The following DDX4 variants were observed in gnomAD, a reference collection of about 807,000 sequenced individuals.
DDX4 encodes DEAD-box helicase 4, also known as probable ATP-dependent RNA helicase DDX4.
In DDX4, 25 loss-of-function variants were observed where a neutral mutation model predicts 100.0. That is an observed-to-expected ratio of 0.25 (90% CI 0.18 to 0.35). The LOEUF (loss-of-function observed/expected upper bound fraction) is 0.35, where lower values mean the gene tolerates loss of function less well. Among genes scored for constraint, DDX4 ranks in the 10% least tolerant of loss-of-function variants. The pLI is 1.00. For synonymous variants in DDX4, 259 were observed against 275.7 expected, an observed-to-expected ratio of 0.94 and a Z score of 0.60; for missense variants, 635 against 882.4, an observed-to-expected ratio of 0.72 and a Z score of 3.55.
At chr5:55,802,691 CTG>C (rs1001796740) in intron 18 of DDX4, among the ~76,000 whole-genome samples, 91 of 152,282 alleles carry the variant, frequency 6.0e-4, no homozygotes, top group African/African-American at 2.1e-3. Flanking sequence ...GACATAGACT[CTG>C]ATCTATAGCT....
intron 18 of DDX4, among the ~76,000 whole-genome samples, chr5:55,806,193 A>G (rs1239643834): frequency 1.3e-5 from 2 of 151,776 alleles, no homozygotes; most frequent in Non-Finnish European, 2.9e-5. Context: ...TTTTTTATGC[A>G]TCTATTTGAT....
At chr5:55,743,344 G>T (rs1759087247) in intron 2 of DDX4, among the ~76,000 whole-genome samples, 1 of 152,106 alleles carries the variant, frequency 6.6e-6, no homozygotes, top group African/African-American at 2.4e-5. Context: ...CACTTGTGAT[G>T]GCAATTAGGA....
chr5:55,749,738 T>G (rs1435792809), intron 3 of DDX4, among the ~76,000 whole-genome samples: 2 of 152,152 alleles, frequency 1.3e-5, no homozygotes, highest in African/African-American at 4.8e-5. Flanking sequence ...ACAAGCTGTT[T>G]GTGGGAGGAA....
At position 55,792,720 on chromosome 5, in the gene DDX4, A is replaced by G. The variant is rs1742656700; in HGVS notation, c.1382A>G (p.Lys461Arg). Residue 461 changes from lysine to arginine, a missense_variant, in exon 17 of 22, where the codon AAG (lysine) becomes AGG (arginine). This residue lies in a region of DDX4 where 115 missense variants were observed against 224.7 expected (regional missense o/e 0.51). Transcript: ENST00000505374. ...GATATGGGTTTTGGTCCAGAAATGA[A>G]GAAGTTAATTTCTTGCCCAGGAATG... is the stretch of plus-strand genomic sequence containing the variant. ...MLDMGFGPEM[K>R]KLISCPGMPS... The G allele has an allele frequency of 6.2e-7, 1 of 1,604,442 alleles. No homozygotes were observed. Among genetic ancestry groups the G allele is most frequent in the Non-Finnish European group, 8.5e-7 (1 of 1,174,216 alleles).
intron 18 of DDX4, among the ~76,000 whole-genome samples, chr5:55,811,560 T>C (rs1002132591): frequency 7.9e-5 from 12 of 152,192 alleles, no homozygotes; most frequent in African/African-American, 2.9e-4. Flanking sequence ...GACCAAAATG[T>C]TTGAAAGCCA....
intron 18 of DDX4, among the ~76,000 whole-genome samples, chr5:55,804,542 G>C (rs977150666): frequency 2.4e-4 from 36 of 152,182 alleles, no homozygotes; most frequent in African/African-American, 8.2e-4. Flanking sequence ...TCTTTTTATG[G>C]CTAGCCAGTT....
intron 14 of DDX4, 71 bp from the exon 15 acceptor site, chr5:55,787,775 T>G: frequency 6.6e-7 from 1 of 1,521,010 alleles, no homozygotes; most frequent in Non-Finnish European, 8.8e-7. Flanking sequence ...TATAAGGACA[T>G]GAGGATTAGC....
At chr5:55,796,005 C>T (rs1393887752) in intron 17 of DDX4, among the ~76,000 whole-genome samples, 3 of 152,144 alleles carry the variant, frequency 2.0e-5, no homozygotes, top group African/African-American at 7.2e-5. Context: ...GCTGCTGGTG[C>T]AAGTCCCAGA....
chr5:55,794,013 G>A (rs1742753030), intron 17 of DDX4, among the ~76,000 whole-genome samples: 1 of 152,078 alleles, frequency 6.6e-6, no homozygotes, highest in East Asian at 1.9e-4. Context: ...TAGTGGTGCT[G>A]GCTATTGATT....
At chr5:55,778,289 A>G (rs908212678) in intron 7 of DDX4, among the ~76,000 whole-genome samples, 1 of 152,218 alleles carries the variant, frequency 6.6e-6, no homozygotes, top group African/African-American at 2.4e-5. Flanking sequence ...GGATATAGTT[A>G]AAGCAGCTGC....
At chr5:55,771,872 A>G (rs1322403045) in intron 7 of DDX4, among the ~76,000 whole-genome samples, 2 of 152,176 alleles carry the variant, frequency 1.3e-5, no homozygotes, top group East Asian at 1.9e-4. Context: ...TCTGTTGAGT[A>G]TCTTTACTTT....
At chr5:55,783,723 G>A (rs1367071885) in intron 10 of DDX4, among the ~76,000 whole-genome samples, 1 of 151,934 alleles carries the variant, frequency 6.6e-6, no homozygotes, top group African/African-American at 2.4e-5. Flanking sequence ...ACTAATTAGG[G>A]GAATTGGCTC....
At chr5:55,789,125 A>T (rs1198420824) in intron 15 of DDX4, among the ~76,000 whole-genome samples, 1 of 152,206 alleles carries the variant, frequency 6.6e-6, no homozygotes, top group Non-Finnish European at 1.5e-5. Context: ...TATCAATTTT[A>T]ATGTTAAAGA....
chr5:55,748,543 A>G (rs1018088616), intron 3 of DDX4, among the ~76,000 whole-genome samples: 6 of 151,376 alleles, frequency 4.0e-5, no homozygotes, highest in African/African-American at 1.2e-4. Context: ...TAGGCTAATG[A>G]AATGAAATCA....
chr5:55,771,939 G>A (rs899333920), intron 7 of DDX4, among the ~76,000 whole-genome samples: 5 of 152,006 alleles, frequency 3.3e-5, no homozygotes, highest in African/African-American at 1.2e-4. Context: ...AGTACATACA[G>A]ATAGGCCGGA....
intron 17 of DDX4, among the ~76,000 whole-genome samples, chr5:55,793,507 G>C (rs1742724533): frequency 6.6e-6 from 1 of 152,170 alleles, no homozygotes; most frequent in African/African-American, 2.4e-5. Flanking sequence ...TGTAAGTTGG[G>C]AACCATCTGT....
At chr5:55,761,311 A>G (rs1740530492) in intron 4 of DDX4, among the ~76,000 whole-genome samples, 1 of 152,090 alleles carries the variant, frequency 6.6e-6, no homozygotes, top group African/African-American at 2.4e-5. Flanking sequence ...TTAGGAGCAT[A>G]TTTATTATTT....
intron 17 of DDX4, among the ~76,000 whole-genome samples, chr5:55,795,789 G>A (rs1241954819): frequency 6.6e-6 from 1 of 152,150 alleles, no homozygotes; most frequent in African/African-American, 2.4e-5. Flanking sequence ...CAACGTGGCA[G>A]TGATATTAGG....
chr5:55,738,943 T>A lies in DDX4; in HGVS notation c.-14-7T>A. The A allele has an allele frequency of 6.7e-7, 1 of 1,490,552 alleles. No individual in the cohort carries two copies. The highest frequency in any genetic ancestry group is 9.3e-7 in the Non-Finnish European group (1 of 1,073,194). 92.3% of individuals were successfully genotyped at this position (1,490,552 alleles called of 1,614,324 possible). On this transcript the variant is annotated splice_polypyrimidine_tract_variant and splice_region_variant and intron_variant, in intron 1 of 21. Transcript: ENST00000505374. ...CCAAATGTGCATTTTTTTTTTTTTA[T>A]GAATAGAACTTGAAGCCACCATGGG... is the stretch of plus-strand genomic sequence containing the variant.
Sources: gnomAD v4.1 joint callset for allele counts (sites outside exome capture counted in the v4.1 genomes callset) on GRCh38, gnomAD v4.1.1 for gene constraint, gnomAD v4.1.1 regional missense constraint, MANE v1.5 for transcripts, NCBI Gene and HGNC (gene_info 2026-07-23, HGNC 2026-07-21) for gene names.